The following ACBD5 variants were observed in gnomAD, a reference collection of about 807,000 sequenced individuals.
ACBD5 encodes the protein acyl-CoA binding domain containing 5, also known as acyl-CoA-binding domain-containing protein 5.
Under a neutral mutation model 71.8 loss-of-function variants are expected in ACBD5, and 40 were observed. That is an observed-to-expected ratio of 0.56 (90% CI 0.43 to 0.72). The LOEUF is 0.72. Among genes scored for constraint, ACBD5 ranks in the 30% least tolerant of loss-of-function variants. ACBD5 has a pLI of 0.00. For synonymous variants in ACBD5, 229 were observed against 218.6 expected, an observed-to-expected ratio of 1.05 and a Z score of -0.42; for missense variants, 559 against 644.5, an observed-to-expected ratio of 0.87 and a Z score of 1.44.
chr10:27,190,158 G>A (rs976230759), intron 13 of ACBD5, among the ~76,000 whole-genome samples: 6 of 152,112 alleles, frequency 3.9e-5, no homozygotes, highest in African/African-American at 1.2e-4. Context: ...GATGGTGCGC[G>A]CCAGTAATCC....
At chr10:27,230,667 C>T (rs563979040) in intron 4 of ACBD5, among the ~76,000 whole-genome samples, 10 of 151,830 alleles carry the variant, frequency 6.6e-5, no homozygotes, top group Non-Finnish European at 7.4e-5. Flanking sequence ...TGTAGTGGTG[C>T]GCGCCTGTAA....
chr10:27,219,736 T>C lies in ACBD5; in HGVS notation c.612A>G (p.Glu204=). 3 of 1,614,084 alleles carry C rather than the reference T, an allele frequency of 1.9e-6. No individual in the cohort carries two copies. The highest frequency in any genetic ancestry group is 1.1e-5 in the South Asian group (1 of 91,084). Residue 204 remains glutamate, a synonymous_variant, in exon 6 of 13, where the codon GAA becomes GAG. Transcript: ENST00000396271. ...TCCAAACATTACCATTATCACTTTG[T>C]TCTGCTCCTTTCACTTCTTCTTGGG... ...EEAQEEVKGA[E]QSDNDKKMMK...
intron 10 of ACBD5, among the ~76,000 whole-genome samples, chr10:27,207,235 C>T (rs2060560812): frequency 6.6e-6 from 1 of 151,576 alleles, no homozygotes. Context: ...GAGATCCCGC[C>T]ACTGCACTCC....
Position 27,195,769 on chromosome 10 carries a change from G to A in ACBD5, c.*1661C>T. 4.9e-6 allele frequency: 2 copies of A among 408,232 alleles called. No homozygotes were observed. Among genetic ancestry groups the A allele is most frequent in the Admixed American group, 3.4e-5 (1 of 29,530 alleles). The allele number at this position is 408,232 out of a possible 1,614,324, so 25.3% of individuals were successfully genotyped here. On this transcript the variant is annotated 3_prime_UTR_variant, in exon 13 of 13. Transcript: ENST00000396271. ...GAAAAAAATAAGGAAAAAGAGTTTG[G>A]GAAAAGTAAATTGTATTCTTATACT...
chr10:27,205,259 A>G lies in ACBD5; in HGVS notation c.1405-11T>C, dbSNP rs2060366353. 6.2e-7 allele frequency: 1 copy of G among 1,612,304 alleles called. No individual in the cohort carries two copies. Reference sequence around the variant, plus strand: ...TGTTGATGATTTTGCCTGTAAATGCAAATGAAGGTGACTTAGCCTTGAAAA... The same window carrying G: ...TGTTGATGATTTTGCCTGTAAATGCGAATGAAGGTGACTTAGCCTTGAAAA... On this transcript the variant is annotated splice_polypyrimidine_tract_variant and intron_variant, in intron 10 of 12. Coordinates refer to ENST00000396271, the MANE Select transcript of ACBD5 (RefSeq NM_145698.5).
At position 27,215,590 on chromosome 10, in the gene ACBD5, C is replaced by A. The variant is rs776218653; in HGVS notation, c.881G>T (p.Ser294Ile). 1 of 1,613,618 alleles carries A rather than the reference C, an allele frequency of 6.2e-7. No homozygotes were observed. Among genetic ancestry groups the A allele is most frequent in the Non-Finnish European group, 8.5e-7 (1 of 1,179,816 alleles). ...EDVTGIQHLT[S>I]DSDSEVYCDS... ...ACAGTAAACTTCACTGTCTGAATCG[C>A]TTGTCAAATGCTGAATTCCTGTAAC... Residue 294 changes from serine to isoleucine, a missense_variant, in exon 8 of 13, where the codon AGC (serine) becomes ATC (isoleucine). By Grantham distance (142) the Ser-to-Ile change is moderately radical. Coordinates refer to ENST00000396271, the MANE Select transcript of ACBD5 (RefSeq NM_145698.5).
At chr10:27,225,055 C>T (rs1169268872) in intron 4 of ACBD5, among the ~76,000 whole-genome samples, 1 of 146,306 alleles carries the variant, frequency 6.8e-6, no homozygotes. Flanking sequence ...CCAGAACTGG[C>T]TCCCTCTCTC....
chr10:27,226,462 ACACAC>A (rs1394087268), intron 4 of ACBD5, among the ~76,000 whole-genome samples: 1 of 149,204 alleles, frequency 6.7e-6, no homozygotes, highest in Non-Finnish European at 1.5e-5. Flanking sequence ...ACACACACAC[ACACAC>A]ACACACACAC....
At chr10:27,201,759 C>T (rs976996863) in intron 12 of ACBD5, among the ~76,000 whole-genome samples, 11 of 152,294 alleles carry the variant, frequency 7.2e-5, no homozygotes, top group Admixed American at 3.3e-4. Flanking sequence ...GCCGAGATCA[C>T]GCAAGTGCAC....
intron 4 of ACBD5, among the ~76,000 whole-genome samples, chr10:27,226,302 C>A (rs1342147430): frequency 6.6e-6 from 1 of 152,040 alleles, no homozygotes; most frequent in East Asian, 1.9e-4. Flanking sequence ...CCCTTTCCTC[C>A]ACCCTTTTGA....
intron 7 of ACBD5, among the ~76,000 whole-genome samples, chr10:27,216,029 C>T (rs1181136209): frequency 6.6e-6 from 1 of 151,882 alleles, no homozygotes; most frequent in Non-Finnish European, 1.5e-5. Context: ...TATGGGCCAA[C>T]ACACCTGGCT....
rs1400814221 is a variant in ACBD5 at position 27,201,424 on chromosome 10, A to C, written c.1565+3016T>G. 2.0e-5 allele frequency among the ~76,000 whole-genome samples: 3 copies of C among 152,184 alleles called. No individual in the cohort carries two copies. In the East Asian group the frequency reaches 5.8e-4, roughly 29 times the overall value. Reference sequence around the variant, plus strand: ...GCATAAGAAATCTCTTTTACTTTTAAATTTATATTATTCTACGCTAGAAAA... The same window carrying C: ...GCATAAGAAATCTCTTTTACTTTTACATTTATATTATTCTACGCTAGAAAA... On this transcript the variant is annotated intron_variant, in intron 12 of 12. Coordinates refer to ENST00000396271, the MANE Select transcript of ACBD5 (RefSeq NM_145698.5).
In ACBD5 at chr10:27,197,313, G is replaced by A; in HGVS notation, c.*117C>T. ...ATATATGTACACAAACTAAACTACT[G>A]GACAACAAAAAGCAATGTAATCATC... On this transcript the variant is annotated 3_prime_UTR_variant, in exon 13 of 13. Transcript: ENST00000396271. The A allele has an allele frequency of 1.0e-6, 1 of 971,142 alleles. No individual in the cohort carries two copies. The highest frequency in any genetic ancestry group is 1.6e-5 in the African/African-American group (1 of 61,856). The allele number at this position is 971,142 out of a possible 1,614,324, so 60.2% of individuals were successfully genotyped here.
chr10:27,223,540 T>C, intron 4 of ACBD5, 88 bp from the exon 5 acceptor site: 1 of 971,386 alleles, frequency 1.0e-6, no homozygotes, highest in Non-Finnish European at 1.6e-6. Context: ...TTCCAATTTG[T>C]CAATAATTTT....
At chr10:27,217,001 C>G (rs2061703374) in intron 7 of ACBD5, among the ~76,000 whole-genome samples, 1 of 151,624 alleles carries the variant, frequency 6.6e-6, no homozygotes, top group African/African-American at 2.4e-5. Flanking sequence ...AAAAAATTAG[C>G]TGGGCATGGT....
chr10:27,190,729 T>C (rs2136348816), downstream of ACBD5, among the ~76,000 whole-genome samples: 1 of 152,330 alleles, frequency 6.6e-6, no homozygotes, highest in East Asian at 1.9e-4. Flanking sequence ...GTGTGGAAAG[T>C]GTATTGTACG....
chr10:27,196,060 GGCATGGTGGT>G lies in ACBD5; in HGVS notation c.*1360_*1369del, dbSNP rs2059355696. On this transcript the variant is annotated 3_prime_UTR_variant, in exon 13 of 13. Transcript: ENST00000396271. ...TCTACTAAAAATACAAAATTAGCCA[GGCATGGTGGT>G]GCATGCCTGTAATCCCAGCTACTTG... 2.4e-6 allele frequency: 1 copy of G among 423,092 alleles called. No individual in the cohort carries two copies. Among genetic ancestry groups the G allele is most frequent in the African/African-American group, 2.1e-5 (1 of 48,272 alleles). The allele number at this position is 423,092 out of a possible 1,614,324, so 26.2% of individuals were successfully genotyped here.
chr10:27,241,230 T>A (rs967937750), upstream of ACBD5, among the ~76,000 whole-genome samples: 1 of 152,198 alleles, frequency 6.6e-6, no homozygotes, highest in African/African-American at 2.4e-5. Flanking sequence ...AGCAAAGGGC[T>A]TTAAGTCGGG....
intron 6 of ACBD5, among the ~76,000 whole-genome samples, 179 bp from the exon 7 acceptor site, chr10:27,218,362 C>T (rs1449586608): frequency 6.6e-6 from 1 of 152,282 alleles, no homozygotes; most frequent in East Asian, 1.9e-4. Flanking sequence ...GCTGAGAGCT[C>T]ACCCAAACTA....
Sources: gnomAD v4.1 joint callset for allele counts (sites outside exome capture counted in the v4.1 genomes callset) on GRCh38, gnomAD v4.1.1 for gene constraint, MANE v1.5 for transcripts, NCBI Gene and HGNC (gene_info 2026-07-23, HGNC 2026-07-21) for gene names.